DNAH5: variants seen among roughly 807,000 people sequenced by gnomAD.
DNAH5 encodes dynein axonemal heavy chain 5.
A neutral mutation model predicts 518.2 loss-of-function variants in DNAH5; 372 were observed. The ratio of observed to expected loss-of-function variants is 0.72; its 90% CI spans 0.66 to 0.78. The LOEUF (loss-of-function observed/expected upper bound fraction) is 0.78, where lower values mean the gene tolerates loss of function less well. DNAH5 is among the 30% of genes least tolerant of loss of function. DNAH5 has a pLI of 0.00. For missense variants in DNAH5, 5,523 were observed against 5,687.0 expected, an observed-to-expected ratio of 0.97 and a Z score of 0.93; for synonymous variants, 2,039 against 2,025.9, an observed-to-expected ratio of 1.01 and a Z score of -0.17.
intron 1 of DNAH5, among the ~76,000 whole-genome samples, chr5:13,978,992 G>A (rs339429): frequency 0.85 from 129,108 of 152,034 alleles, 54,955 homozygotes; most frequent in East Asian, 1. Context: ...TTGGCTCCCA[G>A]TTCTACTCTG....
intron 78 of DNAH5, among the ~76,000 whole-genome samples, chr5:13,697,511 C>T (rs976582096): frequency 8.5e-5 from 13 of 152,214 alleles, no homozygotes; most frequent in Admixed American, 5.9e-4. Context: ...GCCTCTCTAG[C>T]TTGTTGTCCT....
intron 15 of DNAH5, chr5:13,899,141 G>A (rs1047685467): frequency 1.3e-5 from 2 of 152,362 alleles, no homozygotes; most frequent in African/African-American, 4.8e-5. Flanking sequence ...ACGTTGGCCA[G>A]GCTGGTCTCG....
intron 1 of DNAH5, among the ~76,000 whole-genome samples, chr5:13,975,021 G>A (rs6554832): frequency 0.34 from 51,270 of 151,996 alleles, 8,789 homozygotes; most frequent in East Asian, 0.6. Flanking sequence ...CAAATACCGC[G>A]GCAGGCATCC....
At chr5:13,752,080 G>A in intron 64 of DNAH5, 54 bp downstream of exon 64, 1 of 1,579,138 alleles carries the variant, frequency 6.3e-7, no homozygotes, top group Non-Finnish European at 8.7e-7. Flanking sequence ...GTGTCACATT[G>A]ACCTGGCCTC....
At chr5:13,887,134 G>A (rs906739119) in intron 17 of DNAH5, among the ~76,000 whole-genome samples, 3 of 152,174 alleles carry the variant, frequency 2.0e-5, no homozygotes, top group African/African-American at 7.2e-5. Flanking sequence ...CACACATGTG[G>A]TCTCCATTTT....
intron 71 of DNAH5, among the ~76,000 whole-genome samples, chr5:13,720,144 A>T: frequency 6.6e-6 from 1 of 151,874 alleles, no homozygotes; most frequent in South Asian, 2.1e-4. Flanking sequence ...CTAGATCTAA[A>T]GTCTTAGCAG....
intron 19 of DNAH5, among the ~76,000 whole-genome samples, chr5:13,884,198 C>A (rs1318948218): frequency 6.6e-6 from 1 of 152,030 alleles, no homozygotes; most frequent in Non-Finnish European, 1.5e-5. Flanking sequence ...CATATATATC[C>A]TTTGAAGAGT....
intron 28 of DNAH5, 60 bp from the exon 29 acceptor site, chr5:13,862,807 T>C (rs904147833): frequency 1.1e-5 from 14 of 1,270,318 alleles, no homozygotes; most frequent in Middle Eastern, 2.4e-4. Flanking sequence ...TCCTTAATAG[T>C]CTACGTGCAA....
intron 41 of DNAH5, 59 bp from the exon 42 acceptor site, chr5:13,817,753 C>A (rs1761642001): frequency 6.5e-7 from 1 of 1,538,212 alleles, no homozygotes; most frequent in Non-Finnish European, 9.0e-7. Flanking sequence ...CATCATTAAG[C>A]AACATTGCAC....
chr5:13,922,953 A>G (rs1465306321), intron 4 of DNAH5, among the ~76,000 whole-genome samples: 2 of 152,104 alleles, frequency 1.3e-5, no homozygotes, highest in East Asian at 3.8e-4. Context: ...ATCCACTTTC[A>G]GAAATCTTAT....
rs541281818 is a variant in DNAH5, at chr5:13,737,363, T to C, written c.11344A>G (p.Ile3782Val). The C allele has an allele frequency of 6.2e-7, 1 of 1,614,168 alleles. No individual in the cohort carries two copies. Among genetic ancestry groups the C allele is most frequent in the African/African-American group, 1.3e-5 (1 of 75,058 alleles). The change falls in exon 66 of 79, where the codon ATT becomes GTT. Residue 3782 changes from isoleucine to valine, a missense_variant. Ile to Val is a conservative substitution (Grantham distance 29, BLOSUM62 3). Transcript: ENST00000265104. The stretch of plus-strand genomic sequence containing the variant: ...CTTTTTGTGTTACTCAGCACGACAA[T>C]GAGACTTTCATCTTCTACCAGGGAC... ...QGSLVEDESL[I>V]VVLSNTKRTA... is the part of the protein sequence containing the mutation.
chr5:13,717,254 G>T, intron 73 of DNAH5, 61 bp downstream of exon 73: 2 of 1,487,148 alleles, frequency 1.3e-6, no homozygotes, highest in Non-Finnish European at 1.9e-6. Context: ...AGGAGGTCCC[G>T]TGAGCTTGAT....
rs985759611 is a variant in DNAH5 at position 13,708,006 on chromosome 5, C to T, written c.13338+117G>A. 43 of 1,232,502 alleles carry T rather than the reference C, an allele frequency of 3.5e-5. No homozygotes were observed. The African/African-American group carries it at 5.2e-4, about 15-fold the overall frequency. The allele number at this position is 1,232,502 out of a possible 1,614,324, so 76.3% of individuals were successfully genotyped here. ...AAAAATACAGGGCTACAGGGGGCTT[C>T]GTCCCTGTGCAAAAGAATCATGTTG... is the stretch of plus-strand genomic sequence containing the variant. On this transcript the variant is annotated intron_variant, in intron 76 of 78. Coordinates refer to ENST00000265104, the MANE Select transcript of DNAH5 (RefSeq NM_001369.3).
intron 70 of DNAH5, among the ~76,000 whole-genome samples, chr5:13,726,484 C>G (rs1177699849): frequency 6.6e-6 from 1 of 152,156 alleles, no homozygotes; most frequent in South Asian, 2.1e-4. Flanking sequence ...AGCATTGAAG[C>G]AAATATAGCT....
chr5:13,693,891 C>G (rs1741018383), intron 78 of DNAH5, among the ~76,000 whole-genome samples: 2 of 152,164 alleles, frequency 1.3e-5, no homozygotes, highest in Admixed American at 6.5e-5. Context: ...AATTTCTATG[C>G]ATATATCACT....
At position 13,691,861 on chromosome 5, in the gene DNAH5, A is replaced by G. The variant is rs898453783; in HGVS notation, c.*123T>C. The stretch of plus-strand genomic sequence containing the variant: ...TCCAATTAAGGAGTGGGGAAAACCT[A>G]TGCAGCTCATTAATTGCATAAACGA... On this transcript the variant is annotated 3_prime_UTR_variant, in exon 79 of 79. Coordinates refer to ENST00000265104, the MANE Select transcript of DNAH5 (RefSeq NM_001369.3). 3.3e-5 allele frequency: 39 copies of G among 1,175,208 alleles called. No homozygotes were observed. In the African/African-American group the frequency reaches 4.7e-4, roughly 14 times the overall value. 72.8% of individuals were successfully genotyped at this position (1,175,208 alleles called of 1,614,324 possible).
At chr5:13,976,025 C>A (rs970309367) in intron 1 of DNAH5, among the ~76,000 whole-genome samples, 11 of 152,028 alleles carry the variant, frequency 7.2e-5, no homozygotes, top group Non-Finnish European at 1.6e-4. Context: ...CAAGACTCTG[C>A]ATCTAAAAAA....
At chr5:13,880,605 G>C (rs1771523350) in intron 21 of DNAH5, among the ~76,000 whole-genome samples, 2 of 151,824 alleles carry the variant, frequency 1.3e-5, no homozygotes, top group African/African-American at 4.8e-5. Flanking sequence ...TCAAAACTAT[G>C]TTGTTACCAA....
In DNAH5 at chr5:13,959,855, C is replaced by T. The variant is rs567587780; in HGVS notation, c.13-28611G>A. ...GGTGACACATGCCTGTGATCCCAGC[C>T]ACTCGGGAGGCTGAGGCAGGAGATT... On this transcript the variant is annotated intron_variant, in intron 1 of 78. Transcript: ENST00000681290. 1.8e-3 allele frequency among the ~76,000 whole-genome samples: 278 copies of T among 152,146 alleles called. 1 individual carries two copies. Among genetic ancestry groups the T allele is most frequent in the Non-Finnish European group, 2.1e-3 (143 of 67,994 alleles).
Sources: allele counts gnomAD v4.1 joint callset (sites outside exome capture counted in the v4.1 genomes callset), GRCh38; gene constraint gnomAD v4.1.1; transcripts MANE v1.5; gene names NCBI Gene and HGNC (gene_info 2026-07-23, HGNC 2026-07-21).